The following CDH26 variants were observed in gnomAD, a reference collection of about 807,000 sequenced individuals.
CDH26 encodes the protein cadherin-like protein 26.
A neutral mutation model predicts 90.3 loss-of-function variants in CDH26; 83 were observed. That is an observed-to-expected ratio of 0.92 (90% confidence interval 0.77 to 1.10). CDH26 has a LOEUF of 1.10. CDH26 is among the 50% of genes least tolerant of loss of function. The pLI is 0.00. For missense variants in CDH26, 1,013 were observed against 1,037.6 expected, an observed-to-expected ratio of 0.98 and a Z score of 0.33; for synonymous variants, 397 against 396.3, an observed-to-expected ratio of 1.00 and a Z score of -0.02.
chr20:59,962,091 T>A (rs998347668), intron 1 of CDH26, among the ~76,000 whole-genome samples: 1 of 152,138 alleles, frequency 6.6e-6, no homozygotes, highest in Admixed American at 6.5e-5. Flanking sequence ...GATAGTGTGG[T>A]CAGAGGTGAA....
At chr20:60,008,533 C>A (rs1191477555) in intron 17 of CDH26, among the ~76,000 whole-genome samples, 1 of 152,166 alleles carries the variant, frequency 6.6e-6, no homozygotes, top group Non-Finnish European at 1.5e-5. Context: ...CGCATCTGAG[C>A]CTCTGACTTG....
chr20:59,970,869 A>T (rs898473987), intron 3 of CDH26, among the ~76,000 whole-genome samples: 1 of 151,880 alleles, frequency 6.6e-6, no homozygotes, highest in Admixed American at 6.5e-5. Flanking sequence ...AGATTGTCTT[A>T]AAAATTTTGC....
chr20:60,016,414 G>A (rs2061905907), downstream of CDH26, among the ~76,000 whole-genome samples: 1 of 152,030 alleles, frequency 6.6e-6, no homozygotes, highest in African/African-American at 2.4e-5. Context: ...TTTTCAGCTA[G>A]TTTGTTGTTC....
intron 9 of CDH26, among the ~76,000 whole-genome samples, chr20:59,989,509 T>C (rs1262693894): frequency 5.9e-4 from 76 of 128,954 alleles, no homozygotes; most frequent in African/African-American, 1.8e-3. Context: ...CAGTCCGGCC[T>C]GGGCGACAGA....
intron 11 of CDH26, among the ~76,000 whole-genome samples, chr20:59,995,099 G>T (rs1043354137): frequency 2.0e-5 from 3 of 152,216 alleles, no homozygotes; most frequent in African/African-American, 7.2e-5. Context: ...GAAACTGTGT[G>T]CTCAAGTTTG....
rs2061539107 is a variant in CDH26, at chr20:59,992,433, G to T, written c.1339G>T (p.Val447Leu). ...GGTCAGCGTCGACAAAAACTCCGGA[G>T]TGGTCATCACCGTGGAGCCAATTGA... ...NWVSVDKNSG[V>L]VITVEPIDRE... The change falls in exon 10 of 18, where the codon GTG (valine) becomes TTG (leucine). Residue 447 changes from valine (V) to leucine (L), a missense_variant. Val to Leu is a conservative substitution (Grantham distance 32). Coordinates refer to ENST00000348616, the MANE Select transcript of CDH26 (RefSeq NM_177980.4). This position sits in a 1 kb window ranked among gnomAD's most constrained non-coding sequence, Gnocchi z 5.0. The T allele has an allele frequency of 6.2e-7, 1 of 1,613,970 alleles. No homozygotes were observed. Among genetic ancestry groups the T allele is most frequent in the Non-Finnish European group, 8.5e-7 (1 of 1,180,008 alleles).
Position 59,992,941 on chromosome 20 carries a change from A to C in CDH26, c.1426+421A>C, listed in dbSNP as rs1006011447. 2.6e-5 allele frequency among the ~76,000 whole-genome samples: 4 copies of C among 152,214 alleles called. No individual in the cohort carries two copies. The highest frequency in any genetic ancestry group is 9.6e-5 in the African/African-American group (4 of 41,456). On this transcript the variant is annotated intron_variant, in intron 10 of 17. Coordinates refer to ENST00000348616, the MANE Select transcript of CDH26 (RefSeq NM_177980.4). This position sits in a 1 kb window ranked among gnomAD's most constrained non-coding sequence, Gnocchi z 5.0. Reference sequence around the variant, plus strand: ...ATAAACCAGAATGGGTGGTTTTATAAGCCTGTTTCAGCATTTTTCTCTACA... The same window carrying C: ...ATAAACCAGAATGGGTGGTTTTATACGCCTGTTTCAGCATTTTTCTCTACA...
intron 6 of CDH26, 87 bp from the exon 7 acceptor site, chr20:59,984,914 A>G (rs2061434540): frequency 7.7e-6 from 12 of 1,566,590 alleles, no homozygotes; most frequent in Middle Eastern, 3.4e-4. Flanking sequence ...TAGATTTGCT[A>G]TTGAAATTCC....
At chr20:59,983,332 G>A (rs901692378) in intron 5 of CDH26, among the ~76,000 whole-genome samples, 1 of 152,220 alleles carries the variant, frequency 6.6e-6, no homozygotes, top group Non-Finnish European at 1.5e-5. Context: ...GCCACATGCA[G>A]TGAGGGAGAA....
chr20:60,030,454 A>T lies in CDH26; in HGVS notation c.948-777A>T, dbSNP rs1310871372. On this transcript the variant is annotated intron_variant, in intron 7 of 8. Transcript: ENST00000370991. The surrounding 1 kb of genome is among the most constrained non-coding windows in gnomAD (Gnocchi z 4.0). ...TCCCTTCACCTTCTTCTAGGAAAAC[A>T]TCTGGACTTCCTTTGGGTAGTTCCC... 6.6e-6 allele frequency among the ~76,000 whole-genome samples: 1 copy of T among 151,998 alleles called. No individual in the cohort carries two copies.
At position 60,021,849 on chromosome 20, in the gene CDH26, T is replaced by TACACACACACACACAC. The variant is rs757813328; in HGVS notation, c.948-9348_948-9333dup. 1.4e-3 allele frequency among the ~76,000 whole-genome samples: 61 copies of TACACACACACACACAC among 42,626 alleles called. 3 individuals carry two copies. Among genetic ancestry groups the TACACACACACACACAC allele is most frequent in the Admixed American group, 2.0e-3 (6 of 3,044 alleles). The allele number at this position is 42,626 out of a possible 152,430, so 28.0% of individuals were successfully genotyped here. Reference sequence around the variant, plus strand: ...ATTTTGAAGCCGATATCCTTATCTGTACACACACACACACACACACACACA... The same window carrying TACACACACACACACAC: ...ATTTTGAAGCCGATATCCTTATCTGTACACACACACACACACACACACACACACACACACACACACA... On this transcript the variant is annotated intron_variant, in intron 7 of 8. Transcript: ENST00000370991.
At position 59,967,894 on chromosome 20, in the gene CDH26, TTCCTTCCTTCC is replaced by T. The variant is rs1161323695; in HGVS notation, c.70-1071_70-1061del. Reference sequence around the variant, plus strand: ...CTTTCTTTCTTCCTTCCTTCCTTCCTTCCTTCCTTCCTTCCTTTCCTTTCCTTTCCTTTCCT... The same window carrying T: ...CTTTCTTTCTTCCTTCCTTCCTTCCTTTCCTTTCCTTTCCTTTCCTTTCCT... On this transcript the variant is annotated intron_variant, in intron 1 of 17. Transcript: ENST00000348616. 1.1e-4 allele frequency among the ~76,000 whole-genome samples: 14 copies of T among 124,738 alleles called. 1 individual carries two copies. Among genetic ancestry groups the T allele is most frequent in the African/African-American group, 5.4e-4 (14 of 26,000 alleles). The allele number at this position is 124,738 out of a possible 152,430, so 81.8% of individuals were successfully genotyped here.
In CDH26 at chr20:60,012,564, G is replaced by C. The variant is rs781750894; in HGVS notation, c.2333G>C (p.Gly778Ala). 1.9e-6 allele frequency: 3 copies of C among 1,614,034 alleles called. No individual in the cohort carries two copies. Among genetic ancestry groups the C allele is most frequent in the Non-Finnish European group, 2.5e-6 (3 of 1,179,944 alleles). ...GCCAATGTGCTGGAAGATGACCCCG[G>C]CTACCTACCTCACGTCTACAGCGAG... ...HVANVLEDDP[G>A]YLPHVYSEEG... The change falls in exon 18 of 18, where the codon GGC (glycine) becomes GCC (alanine). Residue 778 changes from glycine to alanine, a missense_variant. Physicochemically the swap from Gly to Ala is moderately conservative, Grantham distance 60. Transcript: ENST00000348616.
chr20:59,972,658 T>C (rs1279256412), intron 4 of CDH26, among the ~76,000 whole-genome samples: 1 of 152,214 alleles, frequency 6.6e-6, no homozygotes, highest in Non-Finnish European at 1.5e-5. Context: ...AAAAAAGCCC[T>C]GAACCATGTA....
intron 4 of CDH26, among the ~76,000 whole-genome samples, chr20:59,977,109 A>C (rs379460): frequency 0.045 from 6,832 of 152,196 alleles, 483 homozygotes; most frequent in African/African-American, 0.16. Context: ...CTGGACAGCA[A>C]GGGTGCCTTC....
intron 16 of CDH26, among the ~76,000 whole-genome samples, chr20:60,006,031 C>T (rs1030491844): frequency 1.3e-5 from 2 of 152,232 alleles, no homozygotes; most frequent in Admixed American, 6.5e-5. Context: ...ACTCCCTGCT[C>T]TCAACTGGGT....
At chr20:60,021,436 T>C (rs1054483515) in intron 7 of CDH26, among the ~76,000 whole-genome samples, 3 of 152,206 alleles carry the variant, frequency 2.0e-5, no homozygotes, top group Non-Finnish European at 4.4e-5. Flanking sequence ...ACTTTCTGGC[T>C]CTTCATAGAA....
chr20:59,984,370 C>T (rs773473276), intron 5 of CDH26, among the ~76,000 whole-genome samples: 2 of 152,138 alleles, frequency 1.3e-5, no homozygotes, highest in Non-Finnish European at 2.9e-5. Context: ...TAAATTTTGT[C>T]CACAGTTTTT....
chr20:60,031,496 C>T (rs1006523180), intron 8 of CDH26: 42 of 1,038,404 alleles, frequency 4.0e-5, no homozygotes, highest in South Asian at 6.3e-5. Flanking sequence ...TGAATTCAGG[C>T]GTTCAAGTTA....
Sources: allele counts gnomAD v4.1 joint callset (sites outside exome capture counted in the v4.1 genomes callset), GRCh38; gene constraint gnomAD v4.1.1; non-coding constraint Gnocchi (gnomAD v3.1); transcripts MANE v1.5; gene names NCBI Gene and HGNC (gene_info 2026-07-23, HGNC 2026-07-21).